Variants in CREBBP observed in about 807,000 individuals in gnomAD.
CREBBP encodes the protein CREB binding lysine acetyltransferase.
Under a neutral mutation model 265.0 loss-of-function variants are expected in CREBBP, and 19 were observed. That is an observed-to-expected ratio of 0.07 (90% CI 0.05 to 0.11). CREBBP has a LOEUF of 0.11. Ranked by LOEUF, CREBBP falls within the 10% of genes least tolerant of loss-of-function variation. The probability of loss-of-function intolerance (pLI) is 1.00; values close to 1 mark genes in which losing one functional copy is unlikely to be tolerated. For missense variants in CREBBP, 2,525 were observed against 3,219.0 expected, an observed-to-expected ratio of 0.78 and a Z score of 5.22; for synonymous variants, 1,457 against 1,223.7, an observed-to-expected ratio of 1.19 and a Z score of -3.98.
chr16:3,739,148 C>T (rs1049366986), intron 25 of CREBBP, among the ~76,000 whole-genome samples: 1 of 152,206 alleles, frequency 6.6e-6, no homozygotes, highest in Non-Finnish European at 1.5e-5. Flanking sequence ...ATTCAGTTTT[C>T]GTCACTGAAC....
intron 1 of CREBBP, among the ~76,000 whole-genome samples, chr16:3,860,392 G>A (rs1014000986): frequency 6.6e-6 from 1 of 152,048 alleles, no homozygotes; most frequent in East Asian, 1.9e-4. Context: ...GGAGTGCAGT[G>A]GCCATTCACA....
Position 3,758,912 on chromosome 16 carries a change from T to C in CREBBP, c.3311A>G (p.Gln1104Arg). ...LMPTLEALYR[Q>R]DPESLPFRQP... is the part of the protein sequence containing the mutation. ...CCGGAAAGGTAATGACTCTGGGTCC[T>C]GTCGATACAGTGCTTCTAGGGTTGG... The change falls in exon 17 of 31, where the codon CAG (glutamine) becomes CGG (arginine). Residue 1104 changes from glutamine (Q) to arginine (R), a missense_variant. By Grantham distance (43) the Gln-to-Arg change is conservative. Coordinates refer to ENST00000262367, the MANE Select transcript of CREBBP (RefSeq NM_004380.3). 3 of 1,613,120 alleles carry C rather than the reference T, an allele frequency of 1.9e-6. No individual in the cohort carries two copies. Among genetic ancestry groups the C allele is most frequent in the Non-Finnish European group, 2.5e-6 (3 of 1,180,040 alleles).
chr16:3,806,504 G>T (rs1331593642), intron 3 of CREBBP, among the ~76,000 whole-genome samples: 1 of 151,298 alleles, frequency 6.6e-6, no homozygotes, highest in African/African-American at 2.4e-5. Flanking sequence ...AATAACTCTT[G>T]CAGGAGACCA....
chr16:3,814,437 GTA>G (rs1376486995), intron 2 of CREBBP, among the ~76,000 whole-genome samples: 1 of 151,980 alleles, frequency 6.6e-6, no homozygotes, highest in Non-Finnish European at 1.5e-5. Flanking sequence ...GTATTTTTTA[GTA>G]GAGACAGGGT....
At chr16:3,794,183 G>C (rs901820626) in intron 3 of CREBBP, among the ~76,000 whole-genome samples, 3 of 151,718 alleles carry the variant, frequency 2.0e-5, no homozygotes, top group Non-Finnish European at 4.4e-5. Flanking sequence ...AAAAAATTAG[G>C]ACTATAGGCG....
chr16:3,802,378 C>T (rs1182036152), intron 3 of CREBBP, among the ~76,000 whole-genome samples: 2 of 151,876 alleles, frequency 1.3e-5, no homozygotes, highest in South Asian at 2.1e-4. Flanking sequence ...GTGATCCACC[C>T]GCCTTGGCCT....
At chr16:3,872,816 A>T (rs945390440) in intron 1 of CREBBP, among the ~76,000 whole-genome samples, 19 of 152,338 alleles carry the variant, frequency 1.2e-4, no homozygotes, top group Middle Eastern at 3.4e-3. Context: ...CATGGAAAAC[A>T]GGCAGGCTTC....
chr16:3,777,831 G>C, intron 10 of CREBBP, 174 bp from the exon 11 acceptor site: 1 of 1,071,374 alleles, frequency 9.3e-7, no homozygotes, highest in Admixed American at 1.9e-5. Flanking sequence ...GCCTTCCCAA[G>C]AGAGAAACTC....
intron 1 of CREBBP, among the ~76,000 whole-genome samples, chr16:3,865,776 C>G (rs2055165804): frequency 6.6e-6 from 1 of 151,952 alleles, no homozygotes; most frequent in East Asian, 1.9e-4. Context: ...GTGGCTGGGA[C>G]TACAGGTGCA....
chr16:3,880,133 GC>G lies in CREBBP; in HGVS notation c.-218del. 6.4e-6 allele frequency: 1 copy of G among 156,610 alleles called. No individual in the cohort carries two copies. The allele number at this position is 156,610 out of a possible 1,614,324, so 9.7% of individuals were successfully genotyped here. Reference sequence around the variant, plus strand: ...CAGCGCCCCGCAGCGCTCACCGCCCGCCCCCGGCCGCCGCCGCCGCCGCCGG... The same window carrying G: ...CAGCGCCCCGCAGCGCTCACCGCCCGCCCCGGCCGCCGCCGCCGCCGCCGG... On this transcript the variant is annotated 5_prime_UTR_variant, in exon 1 of 31. An upstream open reading frame in the 5' UTR loses its in-frame stop. Transcript: ENST00000262367.
chr16:3,773,102 CAAA>C (rs772233692), intron 13 of CREBBP, among the ~76,000 whole-genome samples: 4 of 149,160 alleles, frequency 2.7e-5, no homozygotes, highest in African/African-American at 4.9e-5. Flanking sequence ...GACAAACAAA[CAAA>C]AAAAAACTTA....
chr16:3,791,076 CTG>C (rs896309111), intron 5 of CREBBP: 1 of 152,602 alleles, frequency 6.6e-6, no homozygotes, highest in East Asian at 1.9e-4. Context: ...ATGAGGAAGA[CTG>C]TGCTGTGCTG....
intron 21 of CREBBP, among the ~76,000 whole-genome samples, chr16:3,746,257 G>A (rs754960675): frequency 2.6e-5 from 4 of 151,926 alleles, no homozygotes; most frequent in Admixed American, 6.6e-5. Context: ...TCCATTGCAC[G>A]TGCTATGCAA....
chr16:3,866,705 C>T (rs965094161), intron 1 of CREBBP, among the ~76,000 whole-genome samples: 1 of 151,914 alleles, frequency 6.6e-6, no homozygotes, highest in African/African-American at 2.4e-5. Context: ...GCCCCCAAAA[C>T]ATCTCTAGCT....
intron 5 of CREBBP, among the ~76,000 whole-genome samples, chr16:3,783,263 G>C (rs576969613): frequency 2.6e-5 from 4 of 152,184 alleles, no homozygotes; most frequent in African/African-American, 9.7e-5. Flanking sequence ...AGTGGCAAAT[G>C]TATGACAAGG....
chr16:3,852,358 C>T (rs532090915), intron 1 of CREBBP, among the ~76,000 whole-genome samples: 23 of 150,736 alleles, frequency 1.5e-4, no homozygotes, highest in East Asian at 4.0e-4. Context: ...TTAGTAGAGA[C>T]GGGGTTTCAC....
chr16:3,855,272 ATTTG>A (rs760160431), intron 1 of CREBBP, among the ~76,000 whole-genome samples: 11 of 152,028 alleles, frequency 7.2e-5, no homozygotes, highest in African/African-American at 1.9e-4. Context: ...TTTTATTCTT[ATTTG>A]TTTATTAGAC....
In CREBBP at chr16:3,774,643, C is replaced by T. The variant is rs1436634025; in HGVS notation, c.2209G>A (p.Ala737Thr). 1.2e-6 allele frequency: 2 copies of T among 1,614,186 alleles called. No homozygotes were observed. The highest frequency in any genetic ancestry group is 2.2e-5 in the East Asian group (1 of 44,886). Residue 737 changes from alanine (A) to threonine (T), a missense_variant, in exon 12 of 31, where the codon GCA becomes ACA. By Grantham distance (58) the Ala-to-Thr change is moderately conservative. Transcript: ENST00000262367. ...GAGGCTGCACGAGGTCCCATGGGTG[C>T]TTGTGGCAACTGGACGTTCCCCAAG... is the stretch of plus-strand genomic sequence containing the variant. ...MSLGNVQLPQ[A>T]PMGPRAASPM...
At chr16:3,737,253 C>CAGAAGGGAATGGGGT (rs1165926889) in intron 26 of CREBBP, among the ~76,000 whole-genome samples, 1 of 117,890 alleles carries the variant, frequency 8.5e-6, no homozygotes, top group African/African-American at 7.5e-5. Context: ...TTTCAAGTTT[C>CAGAAGGGAATGGGGT]AGAAGGGAAT....
Sources: gnomAD v4.1 joint callset for allele counts (sites outside exome capture counted in the v4.1 genomes callset) on GRCh38, gnomAD v4.1.1 for gene constraint, MANE v1.5 for transcripts, NCBI Gene and HGNC (gene_info 2026-07-23, HGNC 2026-07-21) for gene names.